COL26A1: variants seen among roughly 807,000 people sequenced by gnomAD.
COL26A1 encodes collagen type XXVI alpha 1 chain, also known as collagen alpha-1(XXVI) chain.
In COL26A1, 41 loss-of-function variants were observed where a neutral mutation model predicts 59.3. The ratio of observed to expected loss-of-function variants is 0.69; its 90% CI spans 0.54 to 0.90. The LOEUF (loss-of-function observed/expected upper bound fraction) is 0.90, where lower values mean the gene tolerates loss of function less well. Ranked by LOEUF, COL26A1 falls within the 40% of genes least tolerant of loss-of-function variation. The pLI, the probability that COL26A1 is intolerant of heterozygous loss-of-function variation, is 0.00. For missense variants in COL26A1, 612 were observed against 602.3 expected, an observed-to-expected ratio of 1.02 and a Z score of -0.17; for synonymous variants, 266 against 256.0, an observed-to-expected ratio of 1.04 and a Z score of -0.37.
intron 2 of COL26A1, among the ~76,000 whole-genome samples, chr7:101,429,080 C>A (rs547827788): frequency 6.6e-6 from 1 of 151,786 alleles, no homozygotes; most frequent in Non-Finnish European, 1.5e-5. Flanking sequence ...CCTGCCACCA[C>A]GCCTGGCTAA....
chr7:101,536,714 T>C (rs1795490567), intron 4 of COL26A1, among the ~76,000 whole-genome samples: 1 of 152,180 alleles, frequency 6.6e-6, no homozygotes, highest in African/African-American at 2.4e-5. Flanking sequence ...TGGCCAATGG[T>C]AGCTTATTCC....
chr7:101,378,473 GATT>G (rs1196506208), intron 1 of COL26A1, among the ~76,000 whole-genome samples: 7 of 152,114 alleles, frequency 4.6e-5, no homozygotes, highest in African/African-American at 1.4e-4. Flanking sequence ...AGTGAGCTGA[GATT>G]ATGCCGTTGC....
chr7:101,367,712 T>C (rs528978399), intron 1 of COL26A1, among the ~76,000 whole-genome samples: 2 of 150,024 alleles, frequency 1.3e-5, no homozygotes, highest in East Asian at 3.9e-4. Flanking sequence ...CAGAGCTCTC[T>C]CTCTTTGCCA....
At chr7:101,520,520 C>T (rs377698627) in intron 3 of COL26A1, among the ~76,000 whole-genome samples, 1 of 152,048 alleles carries the variant, frequency 6.6e-6, no homozygotes, top group East Asian at 1.9e-4. Flanking sequence ...TTCGTCTGTA[C>T]AAAAAAATTT....
At chr7:101,405,535 G>T (rs1334497857) in intron 1 of COL26A1, among the ~76,000 whole-genome samples, 1 of 151,942 alleles carries the variant, frequency 6.6e-6, no homozygotes, top group Admixed American at 6.6e-5. Flanking sequence ...CCTGAATGCT[G>T]GTCCTCCCTA....
At chr7:101,530,754 C>T (rs909172761) in intron 3 of COL26A1, among the ~76,000 whole-genome samples, 12 of 151,850 alleles carry the variant, frequency 7.9e-5, no homozygotes, top group African/African-American at 2.4e-4. Context: ...AGGACTCCCT[C>T]CTCTGCCCCA....
At chr7:101,418,372 T>C (rs1413403149) in intron 1 of COL26A1, among the ~76,000 whole-genome samples, 1 of 152,202 alleles carries the variant, frequency 6.6e-6, no homozygotes, top group African/African-American at 2.4e-5. Context: ...TTGCCTTCAA[T>C]GTGGGCCCAT....
chr7:101,503,190 T>A (rs1794740084), intron 3 of COL26A1, among the ~76,000 whole-genome samples: 1 of 152,138 alleles, frequency 6.6e-6, no homozygotes, highest in East Asian at 1.9e-4. Context: ...GTCTGTGGGG[T>A]CCCCTCTCGC....
chr7:101,426,509 A>C (rs1454518866), intron 2 of COL26A1, among the ~76,000 whole-genome samples: 1 of 152,152 alleles, frequency 6.6e-6, no homozygotes, highest in African/African-American at 2.4e-5. Flanking sequence ...ATCACGTCTC[A>C]CACCACAGTG....
At position 101,489,693 on chromosome 7, in the gene COL26A1, C is replaced by CTGTCTGTCTTTCTTTCTT. The variant is rs1554421168; in HGVS notation, c.385+41907_385+41908insGTCTGTCTTTCTTTCTTT. ...CCTTCCTTCCTTCCTTTCTTTCTTT[C>CTGTCTGTCTTTCTTTCTT]TTTCTGTCTTTCTTTCTTTCATTCT... On this transcript the variant is annotated intron_variant, in intron 3 of 12. Coordinates refer to ENST00000313669, the MANE Select transcript of COL26A1 (RefSeq NM_001278563.3). Among the ~76,000 whole-genome samples the CTGTCTGTCTTTCTTTCTT allele has an allele frequency of 1.7e-4, 2 of 11,808 alleles. 1 individual carries two copies. The highest frequency in any genetic ancestry group is 7.0e-4 in the African/African-American group (2 of 2,860). The allele number at this position is 11,808 out of a possible 152,430, so 7.7% of individuals were successfully genotyped here.
At chr7:101,428,035 A>G (rs1446825447) in intron 2 of COL26A1, among the ~76,000 whole-genome samples, 3 of 152,096 alleles carry the variant, frequency 2.0e-5, no homozygotes, top group Non-Finnish European at 2.9e-5. Flanking sequence ...AGTATATTCT[A>G]GATTTATTGT....
At chr7:101,530,566 T>TA (rs558473831) in intron 3 of COL26A1, among the ~76,000 whole-genome samples, 2,765 of 90,166 alleles carry the variant, frequency 0.031, 73 homozygotes, top group African/African-American at 0.043. Flanking sequence ...ACTCTGTCTT[T>TA]AAAAAAAAAA....
At chr7:101,422,312 A>C (rs77779768) in intron 2 of COL26A1, among the ~76,000 whole-genome samples, 1 of 102,822 alleles carries the variant, frequency 9.7e-6, no homozygotes, top group Non-Finnish European at 1.9e-5. Flanking sequence ...ACTCCATCTC[A>C]AAAAAAAAAA....
At chr7:101,448,041 A>C (rs990437180) in intron 3 of COL26A1, among the ~76,000 whole-genome samples, 1 of 152,174 alleles carries the variant, frequency 6.6e-6, no homozygotes, top group Non-Finnish European at 1.5e-5. Flanking sequence ...GAAGCCAAAA[A>C]CAGCACTGGT....
chr7:101,469,326 A>G (rs1303744508), intron 3 of COL26A1, among the ~76,000 whole-genome samples: 1 of 152,242 alleles, frequency 6.6e-6, no homozygotes, highest in Middle Eastern at 3.4e-3. Flanking sequence ...CATTGCTCCA[A>G]TTCTCTGACA....
chr7:101,533,303 C>A (rs1166204003), intron 4 of COL26A1, among the ~76,000 whole-genome samples, 160 bp downstream of exon 4: 2 of 152,092 alleles, frequency 1.3e-5, no homozygotes, highest in Non-Finnish European at 2.9e-5. Context: ...ACTGTTCAGG[C>A]CTTGGTGGCT....
chr7:101,362,868 C>G, upstream of COL26A1: 1 of 641,578 alleles, frequency 1.6e-6, no homozygotes, highest in Non-Finnish European at 2.5e-6. Context: ...CCCGGAGAGG[C>G]GTGGGCGCCC....
chr7:101,421,612 T>C (rs1447427331), intron 2 of COL26A1, among the ~76,000 whole-genome samples: 1 of 151,510 alleles, frequency 6.6e-6, no homozygotes, highest in Non-Finnish European at 1.5e-5. Context: ...GAGGTGGAGA[T>C]TGCAGTAAAC....
chr7:101,511,948 G>T (rs904483816), intron 3 of COL26A1, among the ~76,000 whole-genome samples: 1 of 152,040 alleles, frequency 6.6e-6, no homozygotes, highest in African/African-American at 2.4e-5. Flanking sequence ...AGTGAGCTAT[G>T]ATCACACCAC....
Sources: allele counts gnomAD v4.1 joint callset (sites outside exome capture counted in the v4.1 genomes callset), GRCh38; gene constraint gnomAD v4.1.1; transcripts MANE v1.5; gene names NCBI Gene and HGNC (gene_info 2026-07-23, HGNC 2026-07-21).